The following CDH13 variants were observed in gnomAD, a reference collection of about 807,000 sequenced individuals.
CDH13 encodes the protein cadherin-13.
In CDH13, 24 loss-of-function variants were observed where a neutral mutation model predicts 63.8. The observed-to-expected ratio is 0.38, with a 90% CI of 0.27 to 0.53. CDH13 has a LOEUF of 0.53. CDH13 is among the 20% of genes least tolerant of loss of function. The probability of loss-of-function intolerance (pLI) is 0.85; values close to 1 mark genes in which losing one functional copy is unlikely to be tolerated. For synonymous variants in CDH13, 503 were observed against 355.3 expected (o/e 1.42, Z -4.67); for missense variants, 1,049 against 903.1 (o/e 1.16, Z -2.07).
At chr16:83,657,879 C>T (rs147829142) in intron 8 of CDH13, among the ~76,000 whole-genome samples, 2,453 of 151,172 alleles carry the variant, frequency 0.016, 25 homozygotes, top group South Asian at 0.049. Flanking sequence ...CCAGCAAGGT[C>T]CCATATCATC....
chr16:83,403,645 A>T (rs1291889931), intron 6 of CDH13, among the ~76,000 whole-genome samples: 1 of 152,050 alleles, frequency 6.6e-6, no homozygotes, highest in Non-Finnish European at 1.5e-5. Context: ...AATAATAATA[A>T]TAATGTAAAT....
intron 1 of CDH13, among the ~76,000 whole-genome samples, chr16:82,857,824 T>TA (rs1468215742): frequency 6.6e-6 from 1 of 151,802 alleles, no homozygotes; most frequent in Non-Finnish European, 1.5e-5. Context: ...ATTTTATACT[T>TA]ACAACATGTC....
chr16:83,257,948 A>G (rs1906493427), intron 5 of CDH13, among the ~76,000 whole-genome samples: 1 of 152,124 alleles, frequency 6.6e-6, no homozygotes, highest in Non-Finnish European at 1.5e-5. Flanking sequence ...TTGACTTTTT[A>G]ATATTAGTCA....
At chr16:83,173,392 G>T (rs1175776220) in intron 4 of CDH13, among the ~76,000 whole-genome samples, 1 of 152,058 alleles carries the variant, frequency 6.6e-6, no homozygotes, top group East Asian at 1.9e-4. Flanking sequence ...TTATCTTAGG[G>T]AATCTCTGAG....
At chr16:83,339,933 C>T (rs1419860508) in intron 5 of CDH13, among the ~76,000 whole-genome samples, 3 of 152,180 alleles carry the variant, frequency 2.0e-5, no homozygotes, top group African/African-American at 7.2e-5. Context: ...GTTACTCCTC[C>T]CTGGGATATT....
intron 1 of CDH13, among the ~76,000 whole-genome samples, chr16:82,659,953 G>C (rs1335008325): frequency 3.3e-5 from 5 of 152,136 alleles, no homozygotes; most frequent in African/African-American, 1.2e-4. Context: ...GGGGGAAAGT[G>C]ACTCCCCATT....
intron 2 of CDH13, among the ~76,000 whole-genome samples, chr16:82,866,318 A>T (rs1055303758): frequency 7.4e-6 from 1 of 134,742 alleles, no homozygotes; most frequent in African/African-American, 2.8e-5. Flanking sequence ...TTATAGCAGC[A>T]CCCCACTCTA....
chr16:83,648,549 G>C (rs913127459), intron 8 of CDH13, among the ~76,000 whole-genome samples: 1 of 152,096 alleles, frequency 6.6e-6, no homozygotes, highest in African/African-American at 2.4e-5. Flanking sequence ...GCCCAGAGTG[G>C]TCAGTGAGTT....
intron 3 of CDH13, among the ~76,000 whole-genome samples, chr16:83,106,353 C>T (rs531390417): frequency 3.3e-5 from 5 of 152,212 alleles, no homozygotes; most frequent in Admixed American, 1.3e-4. Context: ...GCCTGGCCAA[C>T]GTTGTGAAAC....
chr16:82,727,100 G>C (rs150711832), intron 1 of CDH13, among the ~76,000 whole-genome samples: 2 of 152,128 alleles, frequency 1.3e-5, no homozygotes, highest in East Asian at 3.8e-4. Context: ...CGGCGGCGGT[G>C]GTGGGGTTAC....
chr16:82,833,038 A>C (rs993372019), intron 1 of CDH13, among the ~76,000 whole-genome samples: 15 of 152,190 alleles, frequency 9.9e-5, no homozygotes, highest in African/African-American at 3.4e-4. Flanking sequence ...CCCATCTTAC[A>C]GTTATACCTT....
At chr16:83,386,679 G>A (rs899372909) in intron 6 of CDH13, among the ~76,000 whole-genome samples, 2 of 152,128 alleles carry the variant, frequency 1.3e-5, no homozygotes, top group Non-Finnish European at 2.9e-5. Context: ...ACTTGATGAG[G>A]AATTTTCCAT....
At chr16:82,671,259 G>A (rs1287488232) in intron 1 of CDH13, among the ~76,000 whole-genome samples, 2 of 152,220 alleles carry the variant, frequency 1.3e-5, no homozygotes, top group Non-Finnish European at 2.9e-5. Flanking sequence ...AGGGAACCCA[G>A]AAGGGTTTTT....
intron 6 of CDH13, chr16:83,397,282 A>C (rs1347191552): frequency 6.6e-6 from 1 of 152,048 alleles, no homozygotes; most frequent in African/African-American, 2.4e-5. Context: ...CCACCATTAT[A>C]CTGAATTTAA....
At position 83,266,417 on chromosome 16, in the gene CDH13, G is replaced by C. The variant is rs551357295; in HGVS notation, c.636+48920G>C. On this transcript the variant is annotated intron_variant, in intron 5 of 13. Transcript: ENST00000567109. ...GAAGGGGGAAATGTTAATTGAAATT[G>C]TAGCCATTGTTAACATTGAATTTAT... 3.3e-5 allele frequency among the ~76,000 whole-genome samples: 5 copies of C among 152,310 alleles called. 1 individual carries two copies. The highest frequency in any genetic ancestry group is 1.2e-4 in the African/African-American group (5 of 41,556).
intron 5 of CDH13, among the ~76,000 whole-genome samples, chr16:83,253,280 T>C (rs980001094): frequency 6.6e-6 from 1 of 152,202 alleles, no homozygotes; most frequent in African/African-American, 2.4e-5. Context: ...CCCTCTCTGG[T>C]GCTGCTAGGG....
At chr16:82,893,352 A>G (rs980250467) in intron 2 of CDH13, among the ~76,000 whole-genome samples, 1 of 152,276 alleles carries the variant, frequency 6.6e-6, no homozygotes, top group Non-Finnish European at 1.5e-5. Context: ...CCATAGCAGG[A>G]AGTATTAATA....
At chr16:82,985,970 CA>C (rs1910885589) in intron 2 of CDH13, among the ~76,000 whole-genome samples, 1 of 152,148 alleles carries the variant, frequency 6.6e-6, no homozygotes, top group Non-Finnish European at 1.5e-5. Context: ...AGCCTCCCCA[CA>C]AGCAGAGCAG....
At chr16:83,066,637 A>T (rs35688074) in intron 3 of CDH13, among the ~76,000 whole-genome samples, 10,814 of 152,300 alleles carry the variant, frequency 0.071, 425 homozygotes, top group African/African-American at 0.11. Flanking sequence ...GTATAAAGCC[A>T]ATCTATTAAT....
Sources: gnomAD v4.1 joint callset for allele counts (sites outside exome capture counted in the v4.1 genomes callset) on GRCh38, gnomAD v4.1.1 for gene constraint, MANE v1.5 for transcripts, NCBI Gene and HGNC (gene_info 2026-07-23, HGNC 2026-07-21) for gene names.